Variants in GAP43 observed in about 807,000 individuals in gnomAD.
The protein encoded by GAP43 is neuromodulin.
GAP43 carries 6 observed loss-of-function variants against 18.6 expected under a neutral mutation model. The ratio of observed to expected loss-of-function variants is 0.32; its 90% confidence interval spans 0.18 to 0.64. The LOEUF is 0.64. Ranked by LOEUF, GAP43 falls within the 30% of genes least tolerant of loss-of-function variation. GAP43 has a pLI of 0.78. For synonymous variants in GAP43, 115 were observed against 111.4 expected (o/e 1.03, Z -0.20); for missense variants, 292 against 295.5 (o/e 0.99, Z 0.09).
rs1279732810 is a variant in GAP43 at position 115,623,520 on chromosome 3, C to A, written c.-170C>A. 5 of 700,360 alleles carry A rather than the reference C, an allele frequency of 7.1e-6. No homozygotes were observed. Among genetic ancestry groups the A allele is most frequent in the Non-Finnish European group, 1.2e-5 (5 of 407,440 alleles). The allele number at this position is 700,360 out of a possible 1,614,324, so 43.4% of individuals were successfully genotyped here. On this transcript the variant is annotated 5_prime_UTR_variant, in exon 1 of 3. Transcript: ENST00000305124. Reference sequence around the variant, plus strand: ...ATAGCTGTGGACCTTACAGTTGCTGCTAACTGCCCTGGTGTGTGTGAGGGA... The same window carrying A: ...ATAGCTGTGGACCTTACAGTTGCTGATAACTGCCCTGGTGTGTGTGAGGGA...
intron 1 of GAP43, among the ~76,000 whole-genome samples, chr3:115,650,598 A>T (rs1708509714): frequency 6.6e-6 from 1 of 151,622 alleles, no homozygotes. Context: ...TTAGATCTTT[A>T]TGGTTCTTAT....
intron 1 of GAP43, among the ~76,000 whole-genome samples, chr3:115,675,510 C>T (rs1347470304): frequency 1.3e-5 from 2 of 151,986 alleles, no homozygotes; most frequent in Non-Finnish European, 2.9e-5. Flanking sequence ...GCCTGTAATT[C>T]CAGCACTTTG....
At chr3:115,698,385 T>C (rs1320212391) in intron 2 of GAP43, among the ~76,000 whole-genome samples, 1 of 134,482 alleles carries the variant, frequency 7.4e-6, no homozygotes, top group African/African-American at 2.8e-5. Flanking sequence ...ATATCATCTA[T>C]TAGCTTTGCA....
At chr3:115,649,830 G>GAAAA (rs1708501149) in intron 1 of GAP43, among the ~76,000 whole-genome samples, 1 of 147,188 alleles carries the variant, frequency 6.8e-6, no homozygotes. Context: ...AAAAAAGAAA[G>GAAAA]AAAGAAAGAA....
At chr3:115,697,228 G>A (rs1291178668) in intron 2 of GAP43, among the ~76,000 whole-genome samples, 1 of 151,764 alleles carries the variant, frequency 6.6e-6, no homozygotes, top group East Asian at 1.9e-4. Context: ...TGAAGACAGG[G>A]TATTTTTTGT....
chr3:115,697,775 A>C (rs1352573247), intron 2 of GAP43, among the ~76,000 whole-genome samples: 1 of 151,928 alleles, frequency 6.6e-6, no homozygotes, highest in Admixed American at 6.6e-5. Flanking sequence ...AAGTCATAGA[A>C]ACTTTAATGT....
intron 2 of GAP43, among the ~76,000 whole-genome samples, chr3:115,689,816 C>T (rs1347319408): frequency 6.6e-6 from 1 of 151,852 alleles, no homozygotes; most frequent in Admixed American, 6.6e-5. Flanking sequence ...AGAAGAGGAC[C>T]AGAAATCGAT....
intron 2 of GAP43, among the ~76,000 whole-genome samples, chr3:115,717,243 T>G (rs1709520161): frequency 6.6e-6 from 1 of 152,166 alleles, no homozygotes; most frequent in South Asian, 2.1e-4. Context: ...TTGAAGAGTT[T>G]ATGGTTTAGT....
At chr3:115,715,695 A>G (rs1375365373) in intron 2 of GAP43, among the ~76,000 whole-genome samples, 1 of 152,210 alleles carries the variant, frequency 6.6e-6, no homozygotes, top group African/African-American at 2.4e-5. Flanking sequence ...AAGTGCCAAG[A>G]CCAGATTTTA....
chr3:115,708,940 G>GGT (rs1488143819), intron 2 of GAP43, among the ~76,000 whole-genome samples: 1 of 99,808 alleles, frequency 1.0e-5, no homozygotes, highest in African/African-American at 4.1e-5. Flanking sequence ...AACTGGCTGG[G>GGT]TTTTTTTTTT....
At chr3:115,666,487 A>AGAG (rs1708735857) in intron 1 of GAP43, among the ~76,000 whole-genome samples, 1 of 152,170 alleles carries the variant, frequency 6.6e-6, no homozygotes, top group African/African-American at 2.4e-5. Context: ...AATTACTCTG[A>AGAG]GAGAATAATG....
chr3:115,700,445 C>T (rs1027509463), intron 2 of GAP43, among the ~76,000 whole-genome samples: 6 of 152,142 alleles, frequency 3.9e-5, no homozygotes, highest in African/African-American at 1.4e-4. Flanking sequence ...TCACCTAACA[C>T]CTGCCCAAAT....
At chr3:115,703,691 GA>G (rs1485315402) in intron 2 of GAP43, among the ~76,000 whole-genome samples, 2 of 151,902 alleles carry the variant, frequency 1.3e-5, no homozygotes, top group Non-Finnish European at 2.9e-5. Context: ...TTATTGGAGA[GA>G]AAAAAACATT....
intron 2 of GAP43, among the ~76,000 whole-genome samples, chr3:115,709,547 T>A (rs913544590): frequency 3.3e-5 from 5 of 152,198 alleles, no homozygotes; most frequent in Non-Finnish European, 7.4e-5. Context: ...ACAATTAACA[T>A]TGACTTCCTA....
chr3:115,647,890 A>G (rs1019582965), intron 1 of GAP43, among the ~76,000 whole-genome samples: 2 of 152,146 alleles, frequency 1.3e-5, no homozygotes, highest in East Asian at 3.9e-4. Flanking sequence ...GGAGGCAGGA[A>G]GCAAGTTAAG....
intron 1 of GAP43, among the ~76,000 whole-genome samples, chr3:115,668,967 T>C (rs1184787581): frequency 6.6e-6 from 1 of 151,522 alleles, no homozygotes; most frequent in Non-Finnish European, 1.5e-5. Flanking sequence ...TGCTTGAGCT[T>C]GGGAGGTCAA....
At chr3:115,717,844 T>C (rs1709530497) in intron 2 of GAP43, among the ~76,000 whole-genome samples, 1 of 152,196 alleles carries the variant, frequency 6.6e-6, no homozygotes, top group Non-Finnish European at 1.5e-5. Flanking sequence ...TTTCCTGTCA[T>C]AATAAACAGA....
In GAP43 at chr3:115,623,563, A is replaced by G. The variant is rs1576972449; in HGVS notation, c.-127A>G. 2 of 1,212,002 alleles carry G rather than the reference A, an allele frequency of 1.7e-6. No homozygotes were observed. The highest frequency in any genetic ancestry group is 1.5e-5 in the African/African-American group (1 of 65,970). 75.1% of individuals were successfully genotyped at this position (1,212,002 alleles called of 1,614,324 possible). On this transcript the variant is annotated 5_prime_UTR_variant, in exon 1 of 3. Transcript: ENST00000305124. ...GTGAGGGAGAGAGAGGGAGGGAGGG[A>G]GAGAGAGCGCGCTAGCGCGAGAGAG... is the stretch of plus-strand genomic sequence containing the variant.
At chr3:115,653,877 G>T (rs1035341952) in intron 1 of GAP43, among the ~76,000 whole-genome samples, 1 of 152,004 alleles carries the variant, frequency 6.6e-6, no homozygotes, top group Non-Finnish European at 1.5e-5. Flanking sequence ...ATAGATTCAT[G>T]TATCACTTTT....
Sources: allele counts gnomAD v4.1 joint callset (sites outside exome capture counted in the v4.1 genomes callset), GRCh38; gene constraint gnomAD v4.1.1; transcripts MANE v1.5; gene names NCBI Gene and HGNC (gene_info 2026-07-23, HGNC 2026-07-21).